The following ABTB3 variants were observed in gnomAD, a reference collection of about 807,000 sequenced individuals.
The protein encoded by ABTB3 is ankyrin repeat- and BTB/POZ domain-containing protein 3.
At chr12:107,323,495 A>C in the ABTB3 span, among the ~76,000 whole-genome samples, 29 of 152,256 alleles carry the variant, frequency 1.9e-4, no homozygotes, top group African/African-American at 7.0e-4. Context: ...TTATGTAAAA[A>C]CTTTTCAGAA....
At chr12:107,457,981 T>C in the ABTB3 span, among the ~76,000 whole-genome samples, 1 of 152,192 alleles carries the variant, frequency 6.6e-6, no homozygotes, top group Non-Finnish European at 1.5e-5. Flanking sequence ...CTTTGTAAAA[T>C]AGGAATAATA....
the ABTB3 span, chr12:107,620,231 C>T: frequency 2.2e-4 from 342 of 1,571,632 alleles, 1 homozygote; most frequent in African/African-American, 4.0e-3. Flanking sequence ...CAGATCTGAA[C>T]GGTCTTTTAG....
chr12:107,343,196 A>G, the ABTB3 span, among the ~76,000 whole-genome samples: 1 of 151,602 alleles, frequency 6.6e-6, no homozygotes, highest in African/African-American at 2.4e-5. Flanking sequence ...TTGGTTTTTT[A>G]TAGAAATAGG....
At chr12:107,323,138 T>G in the ABTB3 span, among the ~76,000 whole-genome samples, 11 of 152,210 alleles carry the variant, frequency 7.2e-5, no homozygotes, top group South Asian at 2.1e-4. Context: ...TGCAAGTTTT[T>G]CTACTTTGTT....
chr12:107,323,544 C>T, the ABTB3 span, among the ~76,000 whole-genome samples: 9 of 151,980 alleles, frequency 5.9e-5, no homozygotes, highest in African/African-American at 1.2e-4. Flanking sequence ...TTTGAAGAGC[C>T]GGGGAAACAG....
chr12:107,394,764 C>T, the ABTB3 span, among the ~76,000 whole-genome samples: 1 of 152,232 alleles, frequency 6.6e-6, no homozygotes, highest in African/African-American at 2.4e-5. Flanking sequence ...AGCAAGCTCT[C>T]AGTAAATGAT....
chr12:107,446,415 G>A, the ABTB3 span, among the ~76,000 whole-genome samples: 3 of 152,162 alleles, frequency 2.0e-5, no homozygotes, highest in Admixed American at 6.6e-5. Context: ...CATGCTGATG[G>A]GGAGGGGGAC....
the ABTB3 span, among the ~76,000 whole-genome samples, chr12:107,388,268 G>A: frequency 1.3e-5 from 2 of 151,788 alleles, no homozygotes; most frequent in Non-Finnish European, 2.9e-5. Context: ...CACCGCACCC[G>A]GCCCTTCTTC....
chr12:107,486,327 A>T, the ABTB3 span, among the ~76,000 whole-genome samples: 1 of 152,164 alleles, frequency 6.6e-6, no homozygotes, highest in Non-Finnish European at 1.5e-5. Context: ...CATTAGCCTG[A>T]GTGCCTTTTC....
the ABTB3 span, among the ~76,000 whole-genome samples, chr12:107,483,951 C>T: frequency 6.6e-6 from 1 of 152,164 alleles, no homozygotes; most frequent in African/African-American, 2.4e-5. Flanking sequence ...CTTGGCCTTA[C>T]AAAATGCTGA....
the ABTB3 span, among the ~76,000 whole-genome samples, chr12:107,441,818 C>T: frequency 7.0e-6 from 1 of 143,756 alleles, no homozygotes; most frequent in Admixed American, 7.0e-5. Context: ...TGTGCATCTA[C>T]AGTCTCAGCT....
chr12:107,447,305 G>T, the ABTB3 span, among the ~76,000 whole-genome samples: 2 of 152,162 alleles, frequency 1.3e-5, no homozygotes, highest in Non-Finnish European at 2.9e-5. Flanking sequence ...ACCATGCCAG[G>T]CTAATTTTTT....
the ABTB3 span, among the ~76,000 whole-genome samples, chr12:107,585,724 C>T: frequency 6.6e-6 from 1 of 152,162 alleles, no homozygotes; most frequent in African/African-American, 2.4e-5. Context: ...GAAGGCTGGG[C>T]CTCAACAGCA....
chr12:107,619,064 C>T, the ABTB3 span, among the ~76,000 whole-genome samples: 6 of 152,132 alleles, frequency 3.9e-5, no homozygotes, highest in South Asian at 1.2e-3. Context: ...GCCATGGGTC[C>T]CTAAACACAG....
chr12:107,482,784 T>C, the ABTB3 span, among the ~76,000 whole-genome samples: 3 of 151,602 alleles, frequency 2.0e-5, no homozygotes, highest in Admixed American at 2.0e-4. Context: ...CTCCCTTCCT[T>C]CCTTCCTTCC....
At chr12:107,426,917 G>A in the ABTB3 span, among the ~76,000 whole-genome samples, 2 of 152,068 alleles carry the variant, frequency 1.3e-5, no homozygotes, top group Non-Finnish European at 2.9e-5. Context: ...CTGTGACCTG[G>A]CAGTAGCCCC....
chr12:107,404,902 C>T, the ABTB3 span, among the ~76,000 whole-genome samples: 1 of 152,178 alleles, frequency 6.6e-6, no homozygotes, highest in Admixed American at 6.5e-5. Context: ...ACCTCATAGC[C>T]TCCTACAGGG....
the ABTB3 span, among the ~76,000 whole-genome samples, chr12:107,391,926 G>A: frequency 6.6e-6 from 1 of 152,152 alleles, no homozygotes; most frequent in Non-Finnish European, 1.5e-5. Context: ...GGAACACTTG[G>A]GACCAACAAA....
the ABTB3 span, among the ~76,000 whole-genome samples, chr12:107,545,714 G>A: frequency 3.3e-5 from 5 of 152,180 alleles, no homozygotes; most frequent in African/African-American, 1.2e-4. Context: ...CAAATGGAGA[G>A]GTGGTAAAAT....
Sources: allele counts gnomAD v4.1 joint callset (sites outside exome capture counted in the v4.1 genomes callset), GRCh38; gene constraint gnomAD v4.1.1; transcripts MANE v1.5; gene names NCBI Gene and HGNC (gene_info 2026-07-23, HGNC 2026-07-21).